FBXL17: variants seen among roughly 807,000 people sequenced by gnomAD.
FBXL17 encodes F-box and leucine rich repeat protein 17.
A neutral mutation model predicts 66.2 loss-of-function variants in FBXL17; 22 were observed. That is an observed-to-expected ratio of 0.33 (90% CI 0.24 to 0.47). The LOEUF (loss-of-function observed/expected upper bound fraction) is 0.47, where lower values mean the gene tolerates loss of function less well. FBXL17 is among the 20% of genes least tolerant of loss of function. The pLI is 1.00. For missense variants in FBXL17, 878 were observed against 948.2 expected (o/e 0.93, Z 0.97); for synonymous variants, 474 against 400.5 (o/e 1.18, Z -2.19).
chr5:108,089,348 C>A (rs1749100032), intron 6 of FBXL17, among the ~76,000 whole-genome samples: 1 of 152,170 alleles, frequency 6.6e-6, no homozygotes, highest in Admixed American at 6.5e-5. Flanking sequence ...TCCATCCACA[C>A]TAATCTCTTC....
chr5:108,291,100 T>C (rs1758094721), intron 4 of FBXL17, among the ~76,000 whole-genome samples: 1 of 152,170 alleles, frequency 6.6e-6, no homozygotes. Context: ...ATACAATACA[T>C]ATAAAATGTT....
intron 4 of FBXL17, among the ~76,000 whole-genome samples, chr5:108,341,570 G>C (rs1467805581): frequency 1.3e-5 from 2 of 152,000 alleles, no homozygotes; most frequent in African/African-American, 4.8e-5. Context: ...TCTCAAAATA[G>C]ATAAATAAAA....
chr5:108,220,487 C>T (rs1041546504), intron 5 of FBXL17, among the ~76,000 whole-genome samples: 1 of 152,142 alleles, frequency 6.6e-6, no homozygotes, highest in African/African-American at 2.4e-5. Context: ...CCATTGTTTC[C>T]TATATTTTGT....
Position 108,095,944 on chromosome 5 carries a change from T to C in FBXL17, c.1746-74943A>G, listed in dbSNP as rs77134806. ...TGCCAAAACACAACTTCTAAAAACA[T>C]AGATAAAATTGTTCTGTAAGTTTAA... On this transcript the variant is annotated intron_variant, in intron 6 of 8. Transcript: ENST00000542267. Among the ~76,000 whole-genome samples, 77 of 152,274 alleles carry C rather than the reference T, an allele frequency of 5.1e-4. 3 individuals carry two copies. In the East Asian group the frequency reaches 0.014, roughly 27 times the overall value.
intron 1 of FBXL17, among the ~76,000 whole-genome samples, chr5:108,370,658 A>C (rs1240671514): frequency 6.6e-6 from 1 of 151,918 alleles, no homozygotes; most frequent in Non-Finnish European, 1.5e-5. Flanking sequence ...CAGGAGAATC[A>C]TTTGAACCTG....
intron 5 of FBXL17, among the ~76,000 whole-genome samples, chr5:108,202,308 T>C (rs948234454): frequency 6.6e-6 from 1 of 152,110 alleles, no homozygotes; most frequent in African/African-American, 2.4e-5. Flanking sequence ...AATGAAAATG[T>C]AGCACAAACA....
intron 6 of FBXL17, among the ~76,000 whole-genome samples, chr5:108,041,145 G>A (rs1747030241): frequency 6.6e-6 from 1 of 152,054 alleles, no homozygotes; most frequent in Non-Finnish European, 1.5e-5. Flanking sequence ...ATTTTAATTG[G>A]TAGCTACTAT....
chr5:107,918,335 T>C (rs1750201912), intron 7 of FBXL17, among the ~76,000 whole-genome samples: 1 of 152,184 alleles, frequency 6.6e-6, no homozygotes, highest in Admixed American at 6.5e-5. Context: ...AGGGTAACTT[T>C]AAGGGCTGGC....
chr5:108,204,207 T>C (rs568844623), intron 5 of FBXL17, among the ~76,000 whole-genome samples: 28 of 152,246 alleles, frequency 1.8e-4, no homozygotes. Context: ...CTTTTCTTTT[T>C]TCTTTTTTCC....
chr5:108,257,435 AAAGG>A (rs1404301900), intron 4 of FBXL17, among the ~76,000 whole-genome samples: 10 of 152,204 alleles, frequency 6.6e-5, no homozygotes, highest in African/African-American at 1.9e-4. Flanking sequence ...CGTAAATGAC[AAAGG>A]GAGGATCTTT....
At chr5:107,953,529 T>C (rs757095236) in intron 7 of FBXL17, among the ~76,000 whole-genome samples, 2 of 152,066 alleles carry the variant, frequency 1.3e-5, no homozygotes, top group Non-Finnish European at 2.9e-5. Flanking sequence ...TGTGCTGCTC[T>C]CTATCATACA....
chr5:107,943,589 TA>T (rs1751187748), intron 7 of FBXL17, among the ~76,000 whole-genome samples: 1 of 151,884 alleles, frequency 6.6e-6, no homozygotes, highest in Non-Finnish European at 1.5e-5. Context: ...TCATTGTAGT[TA>T]ATCTTCCCTT....
intron 7 of FBXL17, among the ~76,000 whole-genome samples, chr5:108,004,445 T>C (rs1303369681): frequency 6.6e-6 from 1 of 152,180 alleles, no homozygotes; most frequent in Admixed American, 6.5e-5. Context: ...AATAAAATAA[T>C]ATTCCACTAT....
chr5:108,122,019 A>G (rs775578621), intron 6 of FBXL17, among the ~76,000 whole-genome samples: 1 of 152,196 alleles, frequency 6.6e-6, no homozygotes, highest in East Asian at 1.9e-4. Flanking sequence ...AAACAGATGG[A>G]ATCAAATTAA....
intron 4 of FBXL17, among the ~76,000 whole-genome samples, chr5:108,295,174 A>C (rs935189377): frequency 6.6e-6 from 1 of 151,976 alleles, no homozygotes; most frequent in Admixed American, 6.6e-5. Flanking sequence ...TAAAATTTTA[A>C]AATATTTTTC....
intron 4 of FBXL17, among the ~76,000 whole-genome samples, chr5:108,306,011 A>G (rs1758822361): frequency 6.6e-6 from 1 of 152,118 alleles, no homozygotes; most frequent in Non-Finnish European, 1.5e-5. Flanking sequence ...ATACTGTTGT[A>G]GTAATCTGAG....
In FBXL17 at chr5:107,906,408, A is replaced by G. The variant is rs188309651; in HGVS notation, c.1823-25229T>C. ...GCACTTTGAACATAAAAACAACAAA[A>G]GGAACAACAGTTTTTGAATATTTAC... On this transcript the variant is annotated intron_variant, in intron 7 of 8. Coordinates refer to ENST00000542267, the MANE Select transcript of FBXL17 (RefSeq NM_001163315.3). Among the ~76,000 whole-genome samples, 911 of 152,332 alleles carry G rather than the reference A, an allele frequency of 6.0e-3. 4 individuals are homozygous for G. Among genetic ancestry groups the G allele is most frequent in the Non-Finnish European group, 0.011 (725 of 68,030 alleles).
intron 4 of FBXL17, among the ~76,000 whole-genome samples, chr5:108,237,319 A>T (rs1307158464): frequency 2.6e-5 from 4 of 152,174 alleles, no homozygotes; most frequent in Non-Finnish European, 5.9e-5. Flanking sequence ...AGCAGAGGTA[A>T]TAGGTTGGGA....
In FBXL17 at chr5:108,252,312, A is replaced by T. The variant is rs949087622; in HGVS notation, c.1507-28084T>A. ...TGTTATCAGGTGTAAAACTGGCTTA[A>T]GTGTATTCAGAGCAATTAAGCTGCA... On this transcript the variant is annotated intron_variant, in intron 4 of 8. Transcript: ENST00000542267. 7.9e-5 allele frequency among the ~76,000 whole-genome samples: 12 copies of T among 152,098 alleles called. 1 individual carries two copies. The highest frequency in any genetic ancestry group is 1.8e-4 in the Non-Finnish European group (12 of 67,970).
Sources: allele counts gnomAD v4.1 joint callset (sites outside exome capture counted in the v4.1 genomes callset), GRCh38; gene constraint gnomAD v4.1.1; transcripts MANE v1.5; gene names NCBI Gene and HGNC (gene_info 2026-07-23, HGNC 2026-07-21).